OR4N2: variants seen among roughly 807,000 people sequenced by gnomAD.
OR4N2 encodes olfactory receptor family 4 subfamily N member 2, also known as olfactory receptor 4N2.
For synonymous variants in OR4N2, 141 were observed against 140.4 expected (o/e 1.00, Z -0.03); for missense variants, 307 against 377.6 (o/e 0.81, Z 1.55).
chr14:19,817,044 G>C (rs547467136), intron 1 of OR4N2, among the ~76,000 whole-genome samples: 490 of 152,266 alleles, frequency 3.2e-3, no homozygotes, highest in African/African-American at 0.011. Flanking sequence ...ATGAAGCTGA[G>C]TTGATCATGG....
intron 1 of OR4N2, among the ~76,000 whole-genome samples, chr14:19,824,422 C>A (rs1214355968): frequency 1.3e-5 from 2 of 152,194 alleles, no homozygotes; most frequent in Admixed American, 6.5e-5. Context: ...GAGCTTATAA[C>A]CTTCAATTTC....
intron 1 of OR4N2, among the ~76,000 whole-genome samples, chr14:19,812,423 G>A (rs1332557554): frequency 1.4e-5 from 2 of 146,288 alleles, no homozygotes; most frequent in African/African-American, 5.0e-5. Context: ...TCCACCTCCC[G>A]AGTTCACGCC....
intron 1 of OR4N2, among the ~76,000 whole-genome samples, chr14:19,821,338 C>T (rs111822377): frequency 9.7e-3 from 1,472 of 152,002 alleles, no homozygotes; most frequent in African/African-American, 0.032. Flanking sequence ...TAACCTTCTG[C>T]GTTGGTCTTG....
At chr14:19,812,688 G>A (rs1473759660) in intron 1 of OR4N2, among the ~76,000 whole-genome samples, 1 of 152,152 alleles carries the variant, frequency 6.6e-6, no homozygotes, top group Non-Finnish European at 1.5e-5. Context: ...TAGTCCTTCT[G>A]ACTGGTGTGA....
intron 1 of OR4N2, among the ~76,000 whole-genome samples, chr14:19,816,020 A>T (rs2138470558): frequency 6.6e-6 from 1 of 152,292 alleles, no homozygotes; most frequent in South Asian, 2.1e-4. Flanking sequence ...GACGTGTGGC[A>T]TTATTTCTAA....
At chr14:19,808,464 G>T (rs1251168393) in intron 1 of OR4N2, among the ~76,000 whole-genome samples, 2 of 152,070 alleles carry the variant, frequency 1.3e-5, no homozygotes, top group Non-Finnish European at 2.9e-5. Flanking sequence ...TGAAATCAAG[G>T]ACACAATCCC....
intron 1 of OR4N2, among the ~76,000 whole-genome samples, chr14:19,818,301 A>G (rs1879478464): frequency 1.3e-5 from 2 of 152,208 alleles, no homozygotes; most frequent in African/African-American, 4.8e-5. Context: ...TCCCACTATT[A>G]TTGTGTGGGA....
chr14:19,810,233 G>GA (rs34590948), intron 1 of OR4N2, among the ~76,000 whole-genome samples: 1 of 152,204 alleles, frequency 6.6e-6, no homozygotes, highest in Non-Finnish European at 1.5e-5. Flanking sequence ...AGAAGCATAT[G>GA]AAAAAATGTT....
chr14:19,808,485 G>T (rs918883050), intron 1 of OR4N2, among the ~76,000 whole-genome samples: 1 of 152,088 alleles, frequency 6.6e-6, no homozygotes, highest in Non-Finnish European at 1.5e-5. Context: ...ATTTACAATA[G>T]CAACAAAGAA....
intron 1 of OR4N2, among the ~76,000 whole-genome samples, chr14:19,813,852 T>A (rs1802764929): frequency 6.6e-6 from 1 of 151,774 alleles, no homozygotes; most frequent in South Asian, 2.1e-4. Flanking sequence ...TTTTTTTTTT[T>A]TTTAAGTCAT....
At chr14:19,812,302 C>CTTTTTT (rs202011658) in intron 1 of OR4N2, among the ~76,000 whole-genome samples, 4 of 132,180 alleles carry the variant, frequency 3.0e-5, no homozygotes, top group Admixed American at 7.7e-5. Flanking sequence ...TTTGACTTTT[C>CTTTTTT]TTTTTTTTTT....
chr14:19,804,657 G>C (rs76344769), intron 1 of OR4N2, among the ~76,000 whole-genome samples: 9,876 of 151,382 alleles, frequency 0.065, 351 homozygotes, highest in African/African-American at 0.17. Context: ...ATGCAGATGA[G>C]AAGAATGTAT....
intron 1 of OR4N2, among the ~76,000 whole-genome samples, chr14:19,818,113 G>A (rs1362838051): frequency 6.6e-6 from 1 of 152,304 alleles, no homozygotes; most frequent in South Asian, 2.1e-4. Flanking sequence ...CCAAGTATGT[G>A]GTCAATTTTA....
chr14:19,811,680 C>T (rs532840278), intron 1 of OR4N2, among the ~76,000 whole-genome samples: 1 of 152,378 alleles, frequency 6.6e-6, no homozygotes, highest in African/African-American at 2.4e-5. Flanking sequence ...TTGCTATATT[C>T]ACTGAATGAA....
At chr14:19,826,043 AC>A (rs1879690232) in intron 1 of OR4N2, among the ~76,000 whole-genome samples, 1 of 152,378 alleles carries the variant, frequency 6.6e-6, no homozygotes, top group East Asian at 1.9e-4. Context: ...GTATATATAA[AC>A]CATTGTACTA....
intron 1 of OR4N2, among the ~76,000 whole-genome samples, chr14:19,805,481 A>G (rs1879140388): frequency 6.6e-6 from 1 of 152,204 alleles, no homozygotes; most frequent in African/African-American, 2.4e-5. Context: ...AGACCAAGCT[A>G]AGGAAAATAT....
chr14:19,805,043 T>A (rs1279512648), intron 1 of OR4N2, among the ~76,000 whole-genome samples: 1 of 152,240 alleles, frequency 6.6e-6, no homozygotes, highest in Non-Finnish European at 1.5e-5. Context: ...TCTTTTTGCT[T>A]GGTCTATTTT....
intron 1 of OR4N2, among the ~76,000 whole-genome samples, chr14:19,815,982 C>T (rs1335399104): frequency 1.3e-5 from 2 of 152,226 alleles, no homozygotes; most frequent in Admixed American, 1.3e-4. Flanking sequence ...TTGCTTTTGT[C>T]AGGCTTGTTA....
intron 1 of OR4N2, among the ~76,000 whole-genome samples, chr14:19,826,950 C>T (rs1879714576): frequency 6.6e-6 from 1 of 152,216 alleles, no homozygotes; most frequent in African/African-American, 2.4e-5. Context: ...GAGTTACCAG[C>T]TAGGAACTGG....
Sources: gnomAD v4.1 joint callset for allele counts (sites outside exome capture counted in the v4.1 genomes callset) on GRCh38, gnomAD v4.1.1 for gene constraint, MANE v1.5 for transcripts, NCBI Gene and HGNC (gene_info 2026-07-23, HGNC 2026-07-21) for gene names.